Variants in PCDHA2 observed in about 807,000 individuals in gnomAD.
PCDHA2 encodes the protein protocadherin alpha-2.
PCDHA2 carries 58 observed loss-of-function variants against 66.0 expected under a neutral mutation model. That is an observed-to-expected ratio of 0.88 (90% confidence interval 0.71 to 1.09). PCDHA2 has a LOEUF of 1.09. Among genes scored for constraint, PCDHA2 ranks in the 50% least tolerant of loss-of-function variants. The pLI, the probability that PCDHA2 is intolerant of heterozygous loss-of-function variation, is 0.00. For missense variants in PCDHA2, 1,267 were observed against 1,242.3 expected, an observed-to-expected ratio of 1.02 and a Z score of -0.30; for synonymous variants, 634 against 554.0, an observed-to-expected ratio of 1.14 and a Z score of -2.03.
intron 1 of PCDHA2, chr5:140,828,240 A>T (rs782505632): frequency 1.9e-6 from 3 of 1,613,830 alleles, no homozygotes; most frequent in South Asian, 1.1e-5. Flanking sequence ...CGGATCGCGC[A>T]GGACCTGGGG....
intron 1 of PCDHA2, chr5:140,849,501 C>T (rs251354): frequency 6.4e-7 from 1 of 1,571,602 alleles, no homozygotes; most frequent in African/African-American, 1.4e-5. Flanking sequence ...TCATTGTACA[C>T]TTCTTGTGGA....
intron 1 of PCDHA2, among the ~76,000 whole-genome samples, chr5:140,941,202 C>CTTTCCTTCTTT (rs1554213921): frequency 8.1e-6 from 1 of 122,742 alleles, no homozygotes; most frequent in Non-Finnish European, 1.8e-5. Flanking sequence ...TTTCTTTCTT[C>CTTTCCTTCTTT]CTTTCTTTCT....
In PCDHA2 at chr5:140,795,025, C is replaced by G. The variant is rs573551999; in HGVS notation, c.61C>G (p.Leu21Val). 1.9e-6 allele frequency: 3 copies of G among 1,613,826 alleles called. No homozygotes were observed. In the East Asian group the frequency reaches 6.7e-5, roughly 36 times the overall value. Residue 21 changes from leucine (L) to valine (V), a missense_variant, in exon 1 of 4, where the codon CTC (leucine) becomes GTC (valine). Coordinates refer to ENST00000526136, the MANE Select transcript of PCDHA2 (RefSeq NM_018905.3). ...AWTRLLSLLL[L>V]AAWEVGSGQL... ...GACACGGCTGCTCTCGCTTCTGCTC[C>G]TCGCAGCCTGGGAGGTGGGGAGCGG...
intron 1 of PCDHA2, chr5:140,870,855 G>T: frequency 3.7e-6 from 6 of 1,613,910 alleles, no homozygotes; most frequent in East Asian, 2.2e-5. Context: ...CGCGGTCGGT[G>T]GGTGCGGGCC....
At chr5:140,823,540 G>T (rs1767756173) in intron 1 of PCDHA2, 3 of 1,613,850 alleles carry the variant, frequency 1.9e-6, no homozygotes, top group Non-Finnish European at 1.7e-6. Context: ...TGCGGGCCAC[G>T]TGGTGGCGAA....
At position 140,850,924 on chromosome 5, in the gene PCDHA2, T is replaced by G. The variant is rs2150502629; in HGVS notation, c.2388+53572T>G. ...TCTAGCATTTTATTTATTTATATAA[T>G]TTTTTTTCTTGAAAGATATTATCGA... On this transcript the variant is annotated intron_variant, in intron 1 of 3. Transcript: ENST00000526136. 179 of 1,517,174 alleles carry G rather than the reference T, an allele frequency of 1.2e-4. 13 individuals carry two copies. The Admixed American group carries it at 3.8e-3, about 32-fold the overall frequency. The allele number at this position is 1,517,174 out of a possible 1,614,324, so 94.0% of individuals were successfully genotyped here. A position where few individuals can be genotyped will look rare whatever the true frequency, so the allele number is the denominator to read the frequency against.
In PCDHA2 at chr5:140,796,895, G is replaced by A. The variant is rs782392168; in HGVS notation, c.1931G>A (p.Arg644Gln). The change falls in exon 1 of 4, where the codon CGA becomes CAA. Residue 644 changes from arginine to glutamine, a missense_variant. By Grantham distance (43) the Arg-to-Gln change is conservative. Transcript: ENST00000526136. Reference protein sequence around the residue: ...TRALDEADSPRHRLLVLVKDH... With the variant: ...TRALDEADSPQHRLLVLVKDH... ...GCCCTAGACGAGGCTGACTCCCCTC[G>A]ACACCGCCTACTCGTGCTGGTGAAG... The A allele has an allele frequency of 2.3e-5, 37 of 1,613,894 alleles. No homozygotes were observed. In the South Asian group the frequency reaches 3.4e-4, roughly 15 times the overall value.
chr5:140,842,639 A>C, intron 1 of PCDHA2: 1 of 1,595,430 alleles, frequency 6.3e-7, no homozygotes, highest in Non-Finnish European at 8.6e-7. Flanking sequence ...GGCCACCGCC[A>C]GCTTGTCTGT....
Position 140,796,026 on chromosome 5 carries a change from T to G in PCDHA2, c.1062T>G (p.Ser354=). 1 of 1,614,144 alleles carries G rather than the reference T, an allele frequency of 6.2e-7. No homozygotes were observed. Among genetic ancestry groups the G allele is most frequent in the Non-Finnish European group, 8.5e-7 (1 of 1,180,006 alleles). ...ACACACCAGAAGTCTCAATAACGTC[T>G]CTCTCACTTCCCATCTCAGAGAACG... ...NDNTPEVSIT[S]LSLPISENAS... Residue 354 remains serine (S), a synonymous_variant, in exon 1 of 4, where the codon TCT becomes TCG. Coordinates refer to ENST00000526136, the MANE Select transcript of PCDHA2 (RefSeq NM_018905.3).
intron 1 of PCDHA2, chr5:140,848,913 C>A (rs2150424583): frequency 6.2e-7 from 1 of 1,608,160 alleles, no homozygotes; most frequent in South Asian, 1.1e-5. Flanking sequence ...ACAAAAGAAT[C>A]TGTTCATCGC....
chr5:140,836,169 G>T (rs1386598071), intron 1 of PCDHA2: 1 of 1,613,722 alleles, frequency 6.2e-7, no homozygotes, highest in East Asian at 2.2e-5. Flanking sequence ...GAAGGTACGT[G>T]CAGTTGACGC....
At chr5:140,885,486 T>C (rs1420709904) in intron 1 of PCDHA2, among the ~76,000 whole-genome samples, 2 of 152,188 alleles carry the variant, frequency 1.3e-5, no homozygotes, top group Non-Finnish European at 2.9e-5. Context: ...TGTCAAGTGT[T>C]CTGTTATCTT....
intron 1 of PCDHA2, chr5:140,834,565 C>G (rs2150221167): frequency 2.5e-6 from 4 of 1,613,968 alleles, no homozygotes; most frequent in Admixed American, 3.3e-5. Context: ...GAGCTGGTGC[C>G]GCGCCTGTTC....
At chr5:140,922,815 C>G (rs2081002299) in intron 1 of PCDHA2, among the ~76,000 whole-genome samples, 2 of 152,158 alleles carry the variant, frequency 1.3e-5, no homozygotes, top group Non-Finnish European at 2.9e-5. Context: ...AAAGGAGATA[C>G]AGCATACTGC....
At chr5:140,930,906 C>T (rs1235701028) in intron 1 of PCDHA2, among the ~76,000 whole-genome samples, 1 of 152,134 alleles carries the variant, frequency 6.6e-6, no homozygotes, top group African/African-American at 2.4e-5. Flanking sequence ...ACTTACTTTT[C>T]TACTTTAGAT....
chr5:140,821,735 T>A, intron 1 of PCDHA2: 1 of 1,535,068 alleles, frequency 6.5e-7, no homozygotes, highest in South Asian at 1.2e-5. Flanking sequence ...ATACATTGTG[T>A]GGTGATGCAA....
rs371368253 is a variant in PCDHA2, at chr5:140,871,153, G to C, written c.2388+73801G>C. 77 of 1,613,298 alleles carry C rather than the reference G, an allele frequency of 4.8e-5. No homozygotes were observed. The African/African-American group carries it at 9.2e-4, about 19-fold the overall frequency. On this transcript the variant is annotated intron_variant, in intron 1 of 3. Transcript: ENST00000526136. ...AAAGGCCTCTTCCCGGACTTTGGCG[G>C]GCGCCGCGAGCCCAGAGGCTGCGCT...
chr5:140,945,813 C>T (rs10477097), intron 1 of PCDHA2, among the ~76,000 whole-genome samples: 2 of 152,084 alleles, frequency 1.3e-5, no homozygotes, highest in East Asian at 3.8e-4. Flanking sequence ...TTATCTCACA[C>T]TGTATACAAA....
At chr5:140,923,275 C>T (rs1296197801) in intron 1 of PCDHA2, among the ~76,000 whole-genome samples, 1 of 152,128 alleles carries the variant, frequency 6.6e-6, no homozygotes, top group African/African-American at 2.4e-5. Flanking sequence ...CTTGTCTCTA[C>T]AAAAAATTAA....
Sources: gnomAD v4.1 joint callset for allele counts (sites outside exome capture counted in the v4.1 genomes callset) on GRCh38, gnomAD v4.1.1 for gene constraint, MANE v1.5 for transcripts, NCBI Gene and HGNC (gene_info 2026-07-23, HGNC 2026-07-21) for gene names.